Variants in BMAL1 observed in about 807,000 individuals in gnomAD.
BMAL1 encodes basic helix-loop-helix ARNT like 1, also known as basic helix-loop-helix ARNT-like protein 1.
chr11:13,311,609 TAA>T, the BMAL1 span, among the ~76,000 whole-genome samples: 1 of 152,324 alleles, frequency 6.6e-6, no homozygotes, highest in Middle Eastern at 3.4e-3. Context: ...GGGAGACACA[TAA>T]GATTTAGATA....
chr11:13,315,465 G>A, the BMAL1 span, among the ~76,000 whole-genome samples: 1 of 152,208 alleles, frequency 6.6e-6, no homozygotes, highest in East Asian at 1.9e-4. Flanking sequence ...TGTATTAGGG[G>A]CTTGGTAGAT....
the BMAL1 span, chr11:13,354,200 GC>G: frequency 1.1e-5 from 4 of 364,708 alleles, no homozygotes; most frequent in South Asian, 4.1e-5. Flanking sequence ...TCCCCCCCCG[GC>G]CCCCCACCAC....
the BMAL1 span, among the ~76,000 whole-genome samples, chr11:13,322,778 CTTTTTTTTTT>C: frequency 1.4e-4 from 7 of 50,334 alleles, no homozygotes; most frequent in African/African-American, 4.6e-4. Flanking sequence ...GTGAGCAAGT[CTTTTTTTTTT>C]TTTTTTTTTT....
At chr11:13,375,201 G>A in the BMAL1 span, among the ~76,000 whole-genome samples, 16,658 of 152,272 alleles carry the variant, frequency 0.11, 996 homozygotes, top group Middle Eastern at 0.14. Context: ...GGTTGAATAG[G>A]TGAGTAGCCT....
chr11:13,332,962 C>CTTTTTTTTTT, the BMAL1 span, among the ~76,000 whole-genome samples: 1 of 141,122 alleles, frequency 7.1e-6, no homozygotes. Flanking sequence ...TCGATACTGT[C>CTTTTTTTTTT]TTTTTTTTTT....
chr11:13,385,105 A>AG, the BMAL1 span, among the ~76,000 whole-genome samples: 2 of 152,158 alleles, frequency 1.3e-5, no homozygotes, highest in Non-Finnish European at 2.9e-5. Flanking sequence ...AGACTCAGCC[A>AG]GGGGAAGGCA....
At chr11:13,340,270 C>T in the BMAL1 span, among the ~76,000 whole-genome samples, 150 of 152,222 alleles carry the variant, frequency 9.9e-4, 3 homozygotes, top group African/African-American at 3.0e-3. Flanking sequence ...ACTATGTCAC[C>T]CCAGAATCCC....
the BMAL1 span, among the ~76,000 whole-genome samples, chr11:13,386,235 T>G: frequency 6.6e-6 from 1 of 152,226 alleles, no homozygotes; most frequent in African/African-American, 2.4e-5. Flanking sequence ...CCTATTTGCC[T>G]TTCTTTTTGT....
chr11:13,382,440 T>C, the BMAL1 span, among the ~76,000 whole-genome samples: 1 of 152,176 alleles, frequency 6.6e-6, no homozygotes, highest in Non-Finnish European at 1.5e-5. Context: ...TGAGATAATA[T>C]ATGTGAAAGT....
At chr11:13,295,593 C>A in the BMAL1 span, among the ~76,000 whole-genome samples, 1 of 152,068 alleles carries the variant, frequency 6.6e-6, no homozygotes, top group East Asian at 1.9e-4. Flanking sequence ...CAGCCTGGGG[C>A]CTTCAGATGG....
At chr11:13,374,453 C>T in the BMAL1 span, among the ~76,000 whole-genome samples, 2 of 152,152 alleles carry the variant, frequency 1.3e-5, no homozygotes, top group African/African-American at 4.8e-5. Context: ...TTTCCCAGAC[C>T]CTGTAAAGAT....
At chr11:13,319,561 G>A in the BMAL1 span, among the ~76,000 whole-genome samples, 926 of 152,200 alleles carry the variant, frequency 6.1e-3, no homozygotes, top group Middle Eastern at 0.02. Flanking sequence ...AAAATTACAC[G>A]TTTATCTTAG....
chr11:13,381,053 G>C, the BMAL1 span: 1 of 1,135,300 alleles, frequency 8.8e-7, no homozygotes, highest in Non-Finnish European at 1.3e-6. Context: ...GAAAAAGCTT[G>C]CCAAACCCTA....
the BMAL1 span, among the ~76,000 whole-genome samples, chr11:13,310,666 G>A: frequency 1.3e-5 from 2 of 152,228 alleles, no homozygotes; most frequent in South Asian, 4.1e-4. Flanking sequence ...GGGTGTGGCA[G>A]TGTTCCAGTA....
At chr11:13,298,477 C>T in the BMAL1 span, among the ~76,000 whole-genome samples, 1 of 152,172 alleles carries the variant, frequency 6.6e-6, no homozygotes, top group Non-Finnish European at 1.5e-5. Context: ...TAGCACTTAT[C>T]ACCATCTAAT....
chr11:13,326,978 C>T, the BMAL1 span, among the ~76,000 whole-genome samples: 2 of 152,074 alleles, frequency 1.3e-5, no homozygotes, highest in South Asian at 4.2e-4. Context: ...CGCCACCACG[C>T]CCGGCTAATT....
the BMAL1 span, among the ~76,000 whole-genome samples, chr11:13,324,495 A>G: frequency 6.6e-6 from 1 of 152,044 alleles, no homozygotes; most frequent in African/African-American, 2.4e-5. Context: ...CCTCTATTCA[A>G]GTGTTCTCCC....
At chr11:13,325,204 C>T in the BMAL1 span, among the ~76,000 whole-genome samples, 6 of 152,322 alleles carry the variant, frequency 3.9e-5, no homozygotes, top group East Asian at 9.7e-4. Flanking sequence ...GATGCATGTT[C>T]TCTGTAGTGG....
At chr11:13,320,208 C>T in the BMAL1 span, among the ~76,000 whole-genome samples, 57 of 152,346 alleles carry the variant, frequency 3.7e-4, no homozygotes, top group African/African-American at 1.3e-3. Context: ...CAGCTTACCA[C>T]CTGCTAACTG....
Sources: gnomAD v4.1 joint callset for allele counts (sites outside exome capture counted in the v4.1 genomes callset) on GRCh38, gnomAD v4.1.1 for gene constraint, MANE v1.5 for transcripts, NCBI Gene and HGNC (gene_info 2026-07-23, HGNC 2026-07-21) for gene names.